The following SYT14 variants were observed in gnomAD, a reference collection of about 807,000 sequenced individuals.
SYT14 encodes synaptotagmin 14, also known as synaptotagmin-14.
SYT14 carries 32 observed loss-of-function variants against 74.2 expected under a neutral mutation model. The observed-to-expected ratio is 0.43, with a 90% CI of 0.33 to 0.58. The LOEUF (loss-of-function observed/expected upper bound fraction) is 0.58. SYT14 is among the 20% of genes least tolerant of loss of function. The pLI is 0.05. For synonymous variants in SYT14, 298 were observed against 337.7 expected, an observed-to-expected ratio of 0.88 and a Z score of 1.29; for missense variants, 791 against 981.8, an observed-to-expected ratio of 0.81 and a Z score of 2.60.
intron 5 of SYT14, among the ~76,000 whole-genome samples, chr1:210,057,475 C>T (rs139395802): frequency 1.8e-4 from 27 of 152,302 alleles, no homozygotes; most frequent in Non-Finnish European, 3.5e-4. Flanking sequence ...CTATAGACCT[C>T]GGTTGCTTTG....
rs1419912204 is a variant in SYT14 at position 210,155,925 on chromosome 1, A to AT, written c.2224+22dup. On this transcript the variant is annotated intron_variant, in intron 8 of 9. Transcript: ENST00000637265. ...CAGACCACCCAGTGAGTGAAAAATA[A>AT]TTTTTTTAATTCTAATGTTTTCTGC... The AT allele has an allele frequency of 6.2e-6, 10 of 1,613,172 alleles. No individual in the cohort carries two copies. Among genetic ancestry groups the AT allele is most frequent in the Admixed American group, 3.3e-5 (2 of 59,984 alleles).
At position 210,155,718 on chromosome 1, in the gene SYT14, C is replaced by T. The variant is rs199931044; in HGVS notation, c.2035-3C>T. The T allele has an allele frequency of 4.6e-5, 74 of 1,613,844 alleles. 1 individual carries two copies. The East Asian group carries it at 1.6e-3, about 34-fold the overall frequency. On this transcript the variant is annotated splice_polypyrimidine_tract_variant and splice_region_variant and intron_variant, in intron 7 of 9. Transcript: ENST00000637265. ...ACTATAAAAATGTTATTATTGATTACAGGGCTGTGACTCCCAAATGAGCGT... is the reference window on the plus strand; with the variant it reads ...ACTATAAAAATGTTATTATTGATTATAGGGCTGTGACTCCCAAATGAGCGT...
intron 2 of SYT14, among the ~76,000 whole-genome samples, chr1:209,992,123 T>A (rs2079700050): frequency 6.6e-6 from 1 of 152,148 alleles, no homozygotes; most frequent in African/African-American, 2.4e-5. Flanking sequence ...AATAGATGAC[T>A]GGATAAAGAA....
At chr1:210,018,685 A>T (rs987436146) in intron 4 of SYT14, among the ~76,000 whole-genome samples, 1 of 152,206 alleles carries the variant, frequency 6.6e-6, no homozygotes, top group Admixed American at 6.5e-5. Context: ...AATATTTCTA[A>T]CATATTCCAC....
At chr1:209,956,473 G>T (rs1484651527) in intron 2 of SYT14, among the ~76,000 whole-genome samples, 1 of 151,908 alleles carries the variant, frequency 6.6e-6, no homozygotes. Context: ...AGGGAGTGTG[G>T]GGGAAAAAAA....
intron 5 of SYT14, among the ~76,000 whole-genome samples, chr1:210,056,659 C>CAAAAAA (rs1196789715): frequency 0.036 from 2,869 of 79,280 alleles, 263 homozygotes; most frequent in African/African-American, 0.14. Context: ...ACTAAAAATA[C>CAAAAAA]AAAAAAAAAA....
At chr1:209,950,650 A>G (rs1297867523) in intron 1 of SYT14, among the ~76,000 whole-genome samples, 1 of 152,218 alleles carries the variant, frequency 6.6e-6, no homozygotes, top group African/African-American at 2.4e-5. Flanking sequence ...CAGAATGAAG[A>G]TCTAACCTAC....
At chr1:210,048,192 A>G (rs2080922287) in intron 5 of SYT14, among the ~76,000 whole-genome samples, 1 of 152,114 alleles carries the variant, frequency 6.6e-6, no homozygotes, top group African/African-American at 2.4e-5. Context: ...ATTCAGTGTT[A>G]TCCACTCCTG....
At chr1:210,031,229 A>G (rs1333996868) in intron 5 of SYT14, among the ~76,000 whole-genome samples, 4 of 151,730 alleles carry the variant, frequency 2.6e-5, no homozygotes, top group Non-Finnish European at 4.4e-5. Flanking sequence ...TGTGATGGAT[A>G]GATTACATTC....
intron 2 of SYT14, among the ~76,000 whole-genome samples, chr1:209,994,017 A>G (rs2079741673): frequency 6.6e-6 from 1 of 152,142 alleles, no homozygotes; most frequent in African/African-American, 2.4e-5. Context: ...CTGACTATAT[A>G]CAGTTAACAC....
chr1:210,002,123 G>T (rs1430147137), intron 2 of SYT14, among the ~76,000 whole-genome samples: 2 of 152,112 alleles, frequency 1.3e-5, no homozygotes, highest in Non-Finnish European at 2.9e-5. Flanking sequence ...AAGATAAACT[G>T]CCCATAAGAA....
intron 1 of SYT14, among the ~76,000 whole-genome samples, chr1:209,941,276 C>G (rs1262362066): frequency 6.6e-6 from 1 of 152,160 alleles, no homozygotes; most frequent in Non-Finnish European, 1.5e-5. Flanking sequence ...GATAGAGTTA[C>G]CACATGGAGC....
At position 210,030,908 on chromosome 1, in the gene SYT14, G is replaced by GTTTGTTTTGTTTTGTTTTGTTTTGT. The variant is rs10650636; in HGVS notation, c.1312+9666_1312+9690dup. Among the ~76,000 whole-genome samples, 26 of 149,054 alleles carry GTTTGTTTTGTTTTGTTTTGTTTTGT rather than the reference G, an allele frequency of 1.7e-4. No individual in the cohort carries two copies. The South Asian group carries it at 2.6e-3, about 15-fold the overall frequency. On this transcript the variant is annotated intron_variant, in intron 5 of 9. Transcript: ENST00000637265. ...AATTAGTATGGGAAGGCAGTGTTTTGTTTGTTTTGTTTTGTTTTGTTTTGT... is the reference window on the plus strand; with the variant it reads ...AATTAGTATGGGAAGGCAGTGTTTTGTTTGTTTTGTTTTGTTTTGTTTTGTTTTGTTTTGTTTTGTTTTGTTTTGT...
At chr1:209,977,081 A>G (rs1406774646) in intron 2 of SYT14, among the ~76,000 whole-genome samples, 2 of 151,540 alleles carry the variant, frequency 1.3e-5, no homozygotes, top group African/African-American at 4.9e-5. Context: ...CCATCCCTTT[A>G]TTTTGAGCCT....
intron 7 of SYT14, among the ~76,000 whole-genome samples, chr1:210,139,451 A>G (rs2082870841): frequency 6.6e-6 from 1 of 151,982 alleles, no homozygotes; most frequent in Non-Finnish European, 1.5e-5. Context: ...CTAAGATTGT[A>G]TTATTCTGAA....
At chr1:210,167,903 TC>T (rs2083472554) in exon 10 of SYT14, 2 of 152,152 alleles carry the variant, frequency 1.3e-5, no homozygotes. Flanking sequence ...CAGAGTTAGT[TC>T]ATCAAAGCTG....
intron 5 of SYT14, among the ~76,000 whole-genome samples, chr1:210,056,580 C>G (rs1018850697): frequency 1.1e-4 from 16 of 149,096 alleles, no homozygotes; most frequent in African/African-American, 4.0e-4. Flanking sequence ...CTTTGGGAGG[C>G]CAAGGCAGGC....
intron 5 of SYT14, among the ~76,000 whole-genome samples, chr1:210,076,876 G>A (rs2081510952): frequency 6.6e-6 from 1 of 152,142 alleles, no homozygotes; most frequent in African/African-American, 2.4e-5. Flanking sequence ...CTCCCACCAG[G>A]TGCCTTCTCC....
At position 209,938,253 on chromosome 1, in the gene SYT14, G is replaced by A. The variant is rs1295880875; in HGVS notation, c.-558G>A. The A allele has an allele frequency of 6.4e-7, 1 of 1,559,392 alleles. No individual in the cohort carries two copies. The highest frequency in any genetic ancestry group is 1.2e-5 in the South Asian group (1 of 86,444). On this transcript the variant is annotated 5_prime_UTR_variant, in exon 1 of 10. An upstream start codon of the reference 5' UTR is lost. Coordinates refer to ENST00000637265, the Ensembl canonical transcript of SYT14. ...CCGCCATCCAGTTGGTGCGGTCCAT[G>A]GCGAGCGCATCATGGCGATTGAAGG...
Sources: allele counts gnomAD v4.1 joint callset (sites outside exome capture counted in the v4.1 genomes callset), GRCh38; gene constraint gnomAD v4.1.1; transcripts MANE v1.5; gene names NCBI Gene and HGNC (gene_info 2026-07-23, HGNC 2026-07-21).